CD163L1: variants seen among roughly 807,000 people sequenced by gnomAD.
CD163L1 encodes the protein scavenger receptor cysteine-rich type 1 protein M160.
In CD163L1, 124 loss-of-function variants were observed where a neutral mutation model predicts 165.4. The observed-to-expected ratio is 0.75, with a 90% CI of 0.65 to 0.87. CD163L1 has a LOEUF of 0.87. CD163L1 is among the 40% of genes least tolerant of loss of function. CD163L1 has a pLI of 0.00. For synonymous variants in CD163L1, 585 were observed against 662.2 expected, an observed-to-expected ratio of 0.88 and a Z score of 1.79; for missense variants, 1,525 against 1,799.9, an observed-to-expected ratio of 0.85 and a Z score of 2.76.
chr12:7,422,377 C>G (rs1010158217), intron 4 of CD163L1, among the ~76,000 whole-genome samples: 8 of 152,090 alleles, frequency 5.3e-5, no homozygotes, highest in African/African-American at 1.9e-4. Context: ...ACCGGAATAT[C>G]TCTTTTCTTC....
chr12:7,421,097 G>GTATA (rs1423359223), intron 4 of CD163L1, among the ~76,000 whole-genome samples: 1 of 103,008 alleles, frequency 9.7e-6, no homozygotes, highest in Non-Finnish European at 1.7e-5. Flanking sequence ...GTATATATAT[G>GTATA]TATATATACA....
chr12:7,415,699 A>G (rs776932735), intron 4 of CD163L1, among the ~76,000 whole-genome samples: 3 of 151,978 alleles, frequency 2.0e-5, no homozygotes, highest in Non-Finnish European at 2.9e-5. Context: ...TTATTGTGTT[A>G]GCTTGCTGAG....
In CD163L1 at chr12:7,432,682, C is replaced by A. The variant is rs756020960; in HGVS notation, c.500G>T (p.Arg167Ile). ...LVDGNNSCSG[R>I]VEVKFQERWG... is the part of the protein sequence containing the mutation. ...CCTTTCTTGGAATTTCACCTCCACT[C>A]TCCCTGAACAGGAGTTGTTTCCATC... Residue 167 changes from arginine to isoleucine, a missense_variant, in exon 4 of 20, where the codon AGA (arginine) becomes ATA (isoleucine). Arg to Ile is a moderately conservative substitution (Grantham distance 97, BLOSUM62 -3). Transcript: ENST00000313599. This position sits in a 1 kb window ranked among gnomAD's most constrained non-coding sequence, Gnocchi z 4.2. 1 of 1,613,994 alleles carries A rather than the reference C, an allele frequency of 6.2e-7. No individual in the cohort carries two copies. Among genetic ancestry groups the A allele is most frequent in the Non-Finnish European group, 8.5e-7 (1 of 1,179,988 alleles).
At chr12:7,343,527 C>T (rs1457205168), downstream of CD163L1, among the ~76,000 whole-genome samples, 1 of 152,010 alleles carries the variant, frequency 6.6e-6, no homozygotes, top group Admixed American at 6.5e-5. Context: ...TGGTGGAAGG[C>T]AAAGGGAGAG....
At chr12:7,415,192 T>A (rs1353852815) in intron 4 of CD163L1, among the ~76,000 whole-genome samples, 1 of 152,052 alleles carries the variant, frequency 6.6e-6, no homozygotes, top group East Asian at 1.9e-4. Flanking sequence ...ACATAATCAA[T>A]AAAATAAAAT....
At chr12:7,380,335 A>ACGTATACATACATGTATGTGTGTACACG (rs1947362912) in intron 8 of CD163L1, among the ~76,000 whole-genome samples, 2 of 112,386 alleles carry the variant, frequency 1.8e-5, no homozygotes, top group Non-Finnish European at 3.8e-5. Flanking sequence ...GTATGTATAC[A>ACGTATACATACATGTATGTGTGTACACG]CGTATACATA....
chr12:7,321,265 T>C, the CD163L1 span, among the ~76,000 whole-genome samples: 1 of 152,242 alleles, frequency 6.6e-6, no homozygotes, highest in Non-Finnish European at 1.5e-5. Context: ...ACATTTATAC[T>C]GCTTTGAAGA....
At chr12:7,442,735 T>C (rs777709183) in intron 1 of CD163L1, among the ~76,000 whole-genome samples, 1 of 152,212 alleles carries the variant, frequency 6.6e-6, no homozygotes, top group Non-Finnish European at 1.5e-5. Context: ...AAACCTCATG[T>C]GTAGGATTAT....
chr12:7,324,880 G>C, the CD163L1 span, among the ~76,000 whole-genome samples: 1 of 151,082 alleles, frequency 6.6e-6, no homozygotes, highest in Non-Finnish European at 1.5e-5. Flanking sequence ...AAGTACTTAA[G>C]TACAGCCACA....
At chr12:7,438,307 C>T (rs1948766822) in intron 2 of CD163L1, among the ~76,000 whole-genome samples, 1 of 151,934 alleles carries the variant, frequency 6.6e-6, no homozygotes, top group Non-Finnish European at 1.5e-5. Context: ...GAAAATATAT[C>T]CATTTTGCAA....
chr12:7,441,991 G>A (rs1272213211), intron 1 of CD163L1, among the ~76,000 whole-genome samples: 1 of 152,174 alleles, frequency 6.6e-6, no homozygotes, highest in Non-Finnish European at 1.5e-5. Context: ...ATACACAAGC[G>A]AAGGAGTTGA....
intron 2 of CD163L1, chr12:7,438,915 T>C: frequency 6.2e-7 from 1 of 1,602,746 alleles, no homozygotes; most frequent in South Asian, 1.1e-5. Context: ...CTCTGCTTTT[T>C]AGGCACAGTT....
intron 19 of CD163L1, among the ~76,000 whole-genome samples, chr12:7,356,082 T>C (rs1179351081): frequency 1.3e-5 from 2 of 152,126 alleles, no homozygotes; most frequent in Non-Finnish European, 2.9e-5. Context: ...AAACAAAAAT[T>C]GTGCTAATAT....
exon 5 of CD163L1, chr12:7,346,985 G>A (rs927367549): frequency 2.0e-5 from 3 of 152,160 alleles, no homozygotes; most frequent in South Asian, 2.1e-4. Flanking sequence ...GCAGTAATGC[G>A]GCTCAGTGGC....
At position 7,396,075 on chromosome 12, in the gene CD163L1, C is replaced by G; in HGVS notation, c.2050+20G>C. On this transcript the variant is annotated intron_variant, in intron 8 of 19. Coordinates refer to ENST00000313599, the MANE Select transcript of CD163L1 (RefSeq NM_174941.6). The stretch of plus-strand genomic sequence containing the variant: ...ACCCAGGCAGTTTCTTTTAAGGAAG[C>G]CCTGGTTTGGGTATCTTACCAGAAC... The G allele has an allele frequency of 6.3e-7, 1 of 1,579,478 alleles. No homozygotes were observed. Among genetic ancestry groups the G allele is most frequent in the African/African-American group, 1.3e-5 (1 of 74,194 alleles).
chr12:7,351,052 A>T (rs1946703602), downstream of CD163L1, among the ~76,000 whole-genome samples: 1 of 152,112 alleles, frequency 6.6e-6, no homozygotes, highest in African/African-American at 2.4e-5. Context: ...CTTATCCAGG[A>T]TTCAGTCAAG....
intron 2 of CD163L1, chr12:7,439,479 C>A (rs1948784583): frequency 6.3e-7 from 1 of 1,582,496 alleles, no homozygotes; most frequent in Non-Finnish European, 8.5e-7. Flanking sequence ...TTGCTTTTTT[C>A]TTTTTCAGAT....
downstream of CD163L1, among the ~76,000 whole-genome samples, chr12:7,346,441 T>C (rs187764752): frequency 6.6e-6 from 1 of 152,306 alleles, no homozygotes; most frequent in Admixed American, 6.5e-5. Context: ...TCTTAAGTCT[T>C]GGGTTACTTC....
chr12:7,433,222 C>G, intron 3 of CD163L1, 152 bp downstream of exon 3: 1 of 580,360 alleles, frequency 1.7e-6, no homozygotes, highest in Non-Finnish European at 2.8e-6. Context: ...TTAGACATTA[C>G]TTTGGAAATA....
Sources: allele counts gnomAD v4.1 joint callset (sites outside exome capture counted in the v4.1 genomes callset), GRCh38; gene constraint gnomAD v4.1.1; non-coding constraint Gnocchi (gnomAD v3.1); transcripts MANE v1.5; gene names NCBI Gene and HGNC (gene_info 2026-07-23, HGNC 2026-07-21).